The following CREB3L2 variants were observed in gnomAD, a reference collection of about 807,000 sequenced individuals.
The protein encoded by CREB3L2 is cAMP responsive element binding protein 3 like 2.
CREB3L2 carries 23 observed loss-of-function variants against 57.2 expected under a neutral mutation model. That is an observed-to-expected ratio of 0.40 (90% confidence interval 0.29 to 0.57). The LOEUF is 0.57. Among genes scored for constraint, CREB3L2 ranks in the 20% least tolerant of loss-of-function variants. The pLI is 0.42. For missense variants in CREB3L2, 628 were observed against 634.7 expected (o/e 0.99, Z 0.11); for synonymous variants, 268 against 265.1 (o/e 1.01, Z -0.11).
intron 2 of CREB3L2, among the ~76,000 whole-genome samples, chr7:137,916,561 A>T (rs1800137035): frequency 3.3e-5 from 5 of 152,042 alleles, no homozygotes; most frequent in Non-Finnish European, 5.9e-5. Context: ...ACAAAAAAAA[A>T]TTTTTAACTA....
chr7:137,912,897 T>C, intron 4 of CREB3L2, 94 bp downstream of exon 4: 1 of 1,566,852 alleles, frequency 6.4e-7, no homozygotes, highest in South Asian at 1.2e-5. Context: ...ACATCTGTGG[T>C]ACAAACTCAT....
intron 2 of CREB3L2, chr7:137,922,453 T>TATATATACGTATATATATATATACAC (rs1554498063): frequency 2.8e-5 from 2 of 72,580 alleles, no homozygotes; most frequent in African/African-American, 1.3e-4. Context: ...TATATATATA[T>TATATATACGTATATATATATATACAC]ACACACATAT....
chr7:137,896,069 T>C (rs273940), intron 8 of CREB3L2, among the ~76,000 whole-genome samples: 107,689 of 152,160 alleles, frequency 0.71, 38,220 homozygotes, highest in Admixed American at 0.76. Flanking sequence ...CCTTGCCCAG[T>C]ACCCCAATCA....
intron 1 of CREB3L2, among the ~76,000 whole-genome samples, chr7:137,962,446 C>T (rs377212851): frequency 1.1e-4 from 16 of 152,020 alleles, no homozygotes; most frequent in African/African-American, 2.9e-4. Flanking sequence ...AGCTTCTTCC[C>T]GCACCATCCT....
intron 8 of CREB3L2, among the ~76,000 whole-genome samples, chr7:137,890,314 T>G (rs1799506685): frequency 6.6e-6 from 1 of 152,230 alleles, no homozygotes; most frequent in South Asian, 2.1e-4. Context: ...GGGTACTTCT[T>G]GCCTAGTTAA....
At chr7:137,924,336 G>A (rs1175690405) in intron 2 of CREB3L2, among the ~76,000 whole-genome samples, 4 of 152,276 alleles carry the variant, frequency 2.6e-5, no homozygotes, top group African/African-American at 9.6e-5. Flanking sequence ...TATCATCTTA[G>A]AGGATAGGGG....
chr7:137,883,523 C>T (rs1799344090), intron 10 of CREB3L2, among the ~76,000 whole-genome samples: 1 of 152,120 alleles, frequency 6.6e-6, no homozygotes. Context: ...ATGCCTTTTC[C>T]TATACATATG....
intron 2 of CREB3L2, among the ~76,000 whole-genome samples, chr7:137,918,398 C>T (rs1158625840): frequency 1.3e-5 from 2 of 152,046 alleles, no homozygotes; most frequent in African/African-American, 2.4e-5. Flanking sequence ...GTCATGTTGA[C>T]CAGGCTGGTC....
At chr7:137,955,430 C>A (rs1352040033) in intron 1 of CREB3L2, 1 of 603,364 alleles carries the variant, frequency 1.7e-6, no homozygotes, top group Non-Finnish European at 2.7e-6. Flanking sequence ...AATCCCCACA[C>A]GCCAAACTTA....
intron 1 of CREB3L2, among the ~76,000 whole-genome samples, chr7:137,979,277 T>C (rs1288564383): frequency 1.3e-5 from 2 of 152,146 alleles, no homozygotes; most frequent in East Asian, 3.9e-4. Flanking sequence ...TCATGAAACT[T>C]TTCCTTTTAG....
At chr7:137,967,192 C>T (rs1329416400) in intron 1 of CREB3L2, among the ~76,000 whole-genome samples, 1 of 152,224 alleles carries the variant, frequency 6.6e-6, no homozygotes, top group Non-Finnish European at 1.5e-5. Context: ...ACTATGCTGG[C>T]ACACTGATCT....
chr7:137,912,539 A>G (rs1182061884), intron 4 of CREB3L2, among the ~76,000 whole-genome samples: 1 of 152,236 alleles, frequency 6.6e-6, no homozygotes, highest in East Asian at 1.9e-4. Context: ...TTTACAAACA[A>G]TGAATTGGCC....
intron 1 of CREB3L2, among the ~76,000 whole-genome samples, chr7:137,934,780 T>C (rs1800744239): frequency 6.6e-6 from 1 of 152,250 alleles, no homozygotes; most frequent in South Asian, 2.1e-4. Context: ...TGCATGTTTC[T>C]GCCAAAGGAT....
At chr7:137,975,176 C>T (rs1801584577) in intron 1 of CREB3L2, among the ~76,000 whole-genome samples, 2 of 152,102 alleles carry the variant, frequency 1.3e-5, no homozygotes, top group Admixed American at 1.3e-4. Flanking sequence ...ATTTCTCTGA[C>T]ATTAAAAGCT....
rs1178517555 is a variant in CREB3L2, at chr7:137,875,703, T to G, written c.*4773A>C. ...TCGGCTCAGCTAGTCCAGAAATTGC[T>G]GCATTTCCCATATTACTTAGTTCTT... On this transcript the variant is annotated 3_prime_UTR_variant, in exon 12 of 12. Transcript: ENST00000330387. 5.6e-6 allele frequency: 1 copy of G among 178,542 alleles called. No homozygotes were observed. Among genetic ancestry groups the G allele is most frequent in the Non-Finnish European group, 1.2e-5 (1 of 84,904 alleles). 11.1% of individuals were successfully genotyped at this position (178,542 alleles called of 1,614,324 possible).
At chr7:137,965,346 G>A (rs1394415800) in intron 1 of CREB3L2, among the ~76,000 whole-genome samples, 2 of 152,154 alleles carry the variant, frequency 1.3e-5, no homozygotes, top group East Asian at 1.9e-4. Context: ...TACACTCGTT[G>A]AGGAAAACAT....
chr7:137,958,981 A>G (rs1315125457), intron 1 of CREB3L2, among the ~76,000 whole-genome samples: 2 of 152,236 alleles, frequency 1.3e-5, no homozygotes, highest in Non-Finnish European at 2.9e-5. Context: ...AGTCATTTTT[A>G]AAGAGACTAA....
Position 137,919,344 on chromosome 7 carries a change from G to A in CREB3L2, c.320-3332C>T, listed in dbSNP as rs577489593. 9.2e-5 allele frequency among the ~76,000 whole-genome samples: 14 copies of A among 152,144 alleles called. No individual in the cohort carries two copies. The South Asian group carries it at 2.7e-3, about 29-fold the overall frequency. ...GTGCCACCAAACCTGGCTAAGTTTT[G>A]TATTTTTAGTAGAGACGGGGTTTCA... On this transcript the variant is annotated intron_variant, in intron 2 of 11. Coordinates refer to ENST00000330387, the MANE Select transcript of CREB3L2 (RefSeq NM_194071.4).
chr7:137,885,446 C>A lies in CREB3L2; in HGVS notation c.1100G>T (p.Arg367Leu). ...LQTLVMGKVS[R>L]TCKLAGTQTG... is the part of the protein sequence containing the mutation. ...CTGCGTGCCAGCTAACTTGCAGGTT[C>A]GAGAAACCTTGCCCATCACCAAAGT... Residue 367 changes from arginine to leucine, a missense_variant, in exon 9 of 12, where the codon CGA (arginine) becomes CTA (leucine). Transcript: ENST00000330387. 5 of 1,614,174 alleles carry A rather than the reference C, an allele frequency of 3.1e-6. No individual in the cohort carries two copies. The highest frequency in any genetic ancestry group is 4.2e-6 in the Non-Finnish European group (5 of 1,180,030).
Sources: allele counts gnomAD v4.1 joint callset (sites outside exome capture counted in the v4.1 genomes callset), GRCh38; gene constraint gnomAD v4.1.1; transcripts MANE v1.5; gene names NCBI Gene and HGNC (gene_info 2026-07-23, HGNC 2026-07-21).